ZNF431: variants seen among roughly 807,000 people sequenced by gnomAD.
ZNF431 encodes zinc finger protein 431.
ZNF431 carries 34 observed loss-of-function variants against 57.0 expected under a neutral mutation model. That is an observed-to-expected ratio of 0.60 (90% CI 0.45 to 0.79). The LOEUF is 0.79. ZNF431 is among the 30% of genes least tolerant of loss of function. The pLI is 0.00. For missense variants in ZNF431, 607 were observed against 667.1 expected, an observed-to-expected ratio of 0.91 and a Z score of 0.99; for synonymous variants, 207 against 220.3, an observed-to-expected ratio of 0.94 and a Z score of 0.54.
chr19:21,187,564 T>A lies in ZNF431; in HGVS notation c.*3530T>A, dbSNP rs988151825. On this transcript the variant is annotated 3_prime_UTR_variant, in exon 5 of 5. Coordinates refer to ENST00000311048, the MANE Select transcript of ZNF431 (RefSeq NM_133473.4). ...GACCAGGTGACCAACATGGAGAAAC[T>A]CCATCTCTACTAAAAAATACAAAAT... 6.0e-5 allele frequency: 9 copies of A among 148,956 alleles called. No individual in the cohort carries two copies. The highest frequency in any genetic ancestry group is 2.2e-4 in the African/African-American group (9 of 40,582). 9.2% of individuals were successfully genotyped at this position (148,956 alleles called of 1,614,324 possible).
rs559186557 is a variant in ZNF431 at position 21,187,809 on chromosome 19, G to A, written c.*3775G>A. 4 of 152,266 alleles carry A rather than the reference G, an allele frequency of 2.6e-5. No individual in the cohort carries two copies. In the East Asian group the frequency reaches 5.8e-4, roughly 22 times the overall value. The allele number at this position is 152,266 out of a possible 1,614,324, so 9.4% of individuals were successfully genotyped here. A position where few individuals can be genotyped will look rare whatever the true frequency, so the allele number is the denominator to read the frequency against. ...TCTTATGCATTTTCCAACTATGTAT[G>A]CATCACAGCTATTCTTTTTCTGAGT... On this transcript the variant is annotated 3_prime_UTR_variant, in exon 5 of 5. Coordinates refer to ENST00000311048, the MANE Select transcript of ZNF431 (RefSeq NM_133473.4).
chr19:21,143,682 C>G (rs1190543337), intron 2 of ZNF431, 39 bp downstream of exon 2: 1 of 1,505,764 alleles, frequency 6.6e-7, no homozygotes, highest in South Asian at 1.1e-5. Context: ...ACGCCCAACC[C>G]AGCTTTCATT....
rs1971391889 is a variant in ZNF431, at chr19:21,187,145, A to C, written c.*3111A>C. 6.6e-6 allele frequency: 1 copy of C among 152,198 alleles called. No individual in the cohort carries two copies. Among genetic ancestry groups the C allele is most frequent in the Admixed American group, 6.5e-5 (1 of 15,278 alleles). 9.4% of individuals were successfully genotyped at this position (152,198 alleles called of 1,614,324 possible). A position where few individuals can be genotyped will look rare whatever the true frequency, so the allele number is the denominator to read the frequency against. On this transcript the variant is annotated 3_prime_UTR_variant, in exon 5 of 5. Coordinates refer to ENST00000311048, the MANE Select transcript of ZNF431 (RefSeq NM_133473.4). Reference sequence around the variant, plus strand: ...GTGAAGATTGATTGTTCATATAGAGAGGACATTTTTTTTCCAGACTGTAAA... The same window carrying C: ...GTGAAGATTGATTGTTCATATAGAGCGGACATTTTTTTTCCAGACTGTAAA...
rs185537177 is a variant in ZNF431 at position 21,155,580 on chromosome 19, G to A, written c.97-10755G>A. On this transcript the variant is annotated intron_variant, in intron 2 of 4. Transcript: ENST00000311048. ...AAGAAAGTCATTGGTAGCTTGATGG[G>A]GATGGCATTGAATCTATAAATTACC... is the stretch of plus-strand genomic sequence containing the variant. 1.8e-3 allele frequency among the ~76,000 whole-genome samples: 275 copies of A among 152,220 alleles called. 3 individuals carry two copies. The highest frequency in any genetic ancestry group is 6.2e-3 in the African/African-American group (259 of 41,530).
chr19:21,179,669 C>T (rs1162663553), intron 4 of ZNF431, among the ~76,000 whole-genome samples: 1 of 151,476 alleles, frequency 6.6e-6, no homozygotes. Context: ...AAGCAATTCT[C>T]CTGCCTCAGC....
At chr19:21,178,793 TTGTGTG>T (rs61125024) in intron 4 of ZNF431, among the ~76,000 whole-genome samples, 2 of 148,568 alleles carry the variant, frequency 1.3e-5, no homozygotes, top group East Asian at 2.0e-4. Flanking sequence ...ACTTGAAGGT[TTGTGTG>T]TGTGTGTGTG....
At chr19:21,147,091 G>C (rs1393796744) in intron 2 of ZNF431, among the ~76,000 whole-genome samples, 1 of 152,146 alleles carries the variant, frequency 6.6e-6, no homozygotes, top group Non-Finnish European at 1.5e-5. Flanking sequence ...GTTAATTCCT[G>C]TTCTGTTTGA....
At chr19:21,144,308 C>T (rs1193632109) in intron 2 of ZNF431, among the ~76,000 whole-genome samples, 1 of 151,798 alleles carries the variant, frequency 6.6e-6, no homozygotes, top group Non-Finnish European at 1.5e-5. Context: ...AAGCAATTCT[C>T]CTACCTCAGC....
At chr19:21,170,512 A>T (rs1455623518) in intron 4 of ZNF431, among the ~76,000 whole-genome samples, 1 of 152,224 alleles carries the variant, frequency 6.6e-6, no homozygotes, top group Admixed American at 6.5e-5. Flanking sequence ...AGTAAATTAG[A>T]TAATTGGTAG....
intron 2 of ZNF431, chr19:21,149,865 C>T: frequency 3.1e-6 from 2 of 644,844 alleles, no homozygotes; most frequent in South Asian, 1.5e-5. Context: ...TTCCTGTGGA[C>T]TAGACGTCCT....
chr19:21,174,020 A>G (rs1238529877), intron 4 of ZNF431, among the ~76,000 whole-genome samples: 1 of 150,316 alleles, frequency 6.7e-6, no homozygotes, highest in African/African-American at 2.5e-5. Context: ...ATCTCGACGC[A>G]CTGCAACCTC....
chr19:21,167,546 A>C (rs1181067441), intron 3 of ZNF431, 25 bp from the exon 4 acceptor site: 2 of 1,497,684 alleles, frequency 1.3e-6, no homozygotes, highest in African/African-American at 2.8e-5. Flanking sequence ...GGCAAGATTC[A>C]TGTTATTTAT....
At chr19:21,143,923 G>A (rs141636745) in intron 2 of ZNF431, among the ~76,000 whole-genome samples, 8 of 152,232 alleles carry the variant, frequency 5.3e-5, no homozygotes, top group African/African-American at 1.7e-4. Flanking sequence ...GTGAGATGGT[G>A]TAAGAACTTG....
rs199512605 is a variant in ZNF431 at position 21,163,531 on chromosome 19, G to GT, written c.97-2796dup. Reference sequence around the variant, plus strand: ...GGACCAAAATTCCCAAGTAATGTTGGTTTTTTTTGAGACGGAGTCTCGCTC... The same window carrying GT: ...GGACCAAAATTCCCAAGTAATGTTGGTTTTTTTTTGAGACGGAGTCTCGCTC... On this transcript the variant is annotated intron_variant, in intron 2 of 4. Coordinates refer to ENST00000311048, the MANE Select transcript of ZNF431 (RefSeq NM_133473.4). Among the ~76,000 whole-genome samples the GT allele has an allele frequency of 4.1e-3, 621 of 152,016 alleles. 4 individuals carry two copies. Among genetic ancestry groups the GT allele is most frequent in the African/African-American group, 0.014 (569 of 41,462 alleles).
intron 2 of ZNF431, chr19:21,150,229 G>C: frequency 1.9e-6 from 1 of 525,742 alleles, no homozygotes; most frequent in Non-Finnish European, 3.6e-6. Flanking sequence ...ACTTTCAGCC[G>C]CCTATAGAGG....
At chr19:21,149,983 C>G in intron 2 of ZNF431, 1 of 586,320 alleles carries the variant, frequency 1.7e-6, no homozygotes, top group Non-Finnish European at 3.2e-6. Context: ...CAATCACCAC[C>G]AGCTGAACTT....
chr19:21,153,221 A>G (rs958019248), intron 2 of ZNF431, among the ~76,000 whole-genome samples: 21 of 152,190 alleles, frequency 1.4e-4, no homozygotes, highest in Admixed American at 5.2e-4. Context: ...TCCAGCTTCT[A>G]TACTGCAAAC....
rs1971564118 is a variant in ZNF431, at chr19:21,194,229, ACAAAAT to A, written c.*10199_*10204del. ...TACACCAATAACATTCAAGCTGAGA[ACAAAAT>A]CAAGAACAGTTTTCTTTACAATAGC... On this transcript the variant is annotated 3_prime_UTR_variant, in exon 5 of 5. Transcript: ENST00000311048. 3 of 152,214 alleles carry A rather than the reference ACAAAAT, an allele frequency of 2.0e-5. No individual in the cohort carries two copies. The South Asian group carries it at 6.2e-4, about 31-fold the overall frequency. 9.4% of individuals were successfully genotyped at this position (152,214 alleles called of 1,614,324 possible).
intron 4 of ZNF431, among the ~76,000 whole-genome samples, chr19:21,178,608 T>C (rs1971122559): frequency 2.0e-5 from 3 of 152,144 alleles, no homozygotes; most frequent in African/African-American, 7.2e-5. Flanking sequence ...TTACATCGAT[T>C]TTTGTATGCT....
Sources: allele counts gnomAD v4.1 joint callset (sites outside exome capture counted in the v4.1 genomes callset), GRCh38; gene constraint gnomAD v4.1.1; transcripts MANE v1.5; gene names NCBI Gene and HGNC (gene_info 2026-07-23, HGNC 2026-07-21).